JAZF1: variants seen among roughly 807,000 people sequenced by gnomAD.
The protein encoded by JAZF1 is juxtaposed with another zinc finger protein 1.
JAZF1 carries 8 observed loss-of-function variants against 26.4 expected under a neutral mutation model. The observed-to-expected ratio is 0.30, with a 90% CI of 0.18 to 0.55. The LOEUF (loss-of-function observed/expected upper bound fraction) is 0.55. Among genes scored for constraint, JAZF1 ranks in the 20% least tolerant of loss-of-function variants. The pLI is 0.94. For synonymous variants in JAZF1, 126 were observed against 122.3 expected (o/e 1.03, Z -0.20); for missense variants, 199 against 322.0 (o/e 0.62, Z 2.92).
At chr7:27,849,402 A>C (rs903691019) in intron 3 of JAZF1, among the ~76,000 whole-genome samples, 4 of 152,208 alleles carry the variant, frequency 2.6e-5, no homozygotes, top group Admixed American at 2.6e-4. Flanking sequence ...CAATTTTAAA[A>C]TGGTGTTCGC....
At chr7:28,068,597 A>G (rs1257167198) in intron 1 of JAZF1, among the ~76,000 whole-genome samples, 1 of 152,212 alleles carries the variant, frequency 6.6e-6, no homozygotes, top group Non-Finnish European at 1.5e-5. Flanking sequence ...GAAAATCTCA[A>G]GAGCAGGAAA....
intron 2 of JAZF1, among the ~76,000 whole-genome samples, chr7:27,977,671 T>C (rs142745571): frequency 9.5e-4 from 144 of 152,342 alleles, no homozygotes; most frequent in African/African-American, 3.1e-3. Context: ...TATAGATTTT[T>C]GGAAAGTCTT....
chr7:28,175,154 G>A (rs1007414201), intron 1 of JAZF1, among the ~76,000 whole-genome samples: 2 of 152,180 alleles, frequency 1.3e-5, no homozygotes, highest in African/African-American at 4.8e-5. Context: ...CACTTTCCCA[G>A]TCCACTGTGG....
chr7:27,903,836 C>A (rs942155992), intron 2 of JAZF1, among the ~76,000 whole-genome samples: 3 of 152,206 alleles, frequency 2.0e-5, no homozygotes, highest in African/African-American at 7.2e-5. Context: ...AGCAGACCCT[C>A]TGTAGAACAT....
intron 1 of JAZF1, among the ~76,000 whole-genome samples, chr7:28,060,488 T>C (rs1383865436): frequency 1.3e-5 from 2 of 152,246 alleles, no homozygotes; most frequent in Non-Finnish European, 2.9e-5. Context: ...CAAGAGCAAC[T>C]ACCAACCTGG....
chr7:28,057,430 G>A (rs73091056), intron 1 of JAZF1, among the ~76,000 whole-genome samples: 6,515 of 152,206 alleles, frequency 0.043, 199 homozygotes, highest in Non-Finnish European at 0.061. Flanking sequence ...ATATTGTGCC[G>A]AGTACTCTGT....
intron 1 of JAZF1, among the ~76,000 whole-genome samples, chr7:28,122,309 G>A (rs1010187989): frequency 6.6e-6 from 1 of 152,056 alleles, no homozygotes; most frequent in African/African-American, 2.4e-5. Flanking sequence ...CTGCAAATAG[G>A]ACGGGCAACT....
chr7:28,129,443 G>A (rs1420742682), intron 1 of JAZF1, among the ~76,000 whole-genome samples: 2 of 152,100 alleles, frequency 1.3e-5, no homozygotes, highest in Non-Finnish European at 2.9e-5. Flanking sequence ...CATTTGGTGT[G>A]AACTGGGGCC....
intron 1 of JAZF1, among the ~76,000 whole-genome samples, chr7:28,102,973 T>C (rs1172818636): frequency 1.3e-5 from 2 of 152,078 alleles, no homozygotes; most frequent in East Asian, 3.9e-4. Flanking sequence ...CTAACTCAGC[T>C]CTTCCCCAGC....
chr7:27,920,725 C>T (rs966371414), intron 2 of JAZF1, among the ~76,000 whole-genome samples: 45 of 152,276 alleles, frequency 3.0e-4, no homozygotes, highest in African/African-American at 1.1e-3. Context: ...TAATGCTCCC[C>T]ACTTCCGCCG....
intron 3 of JAZF1, among the ~76,000 whole-genome samples, chr7:27,872,987 A>G (rs906659721): frequency 1.3e-5 from 2 of 152,204 alleles, no homozygotes; most frequent in African/African-American, 4.8e-5. Context: ...ACAGCTGTGT[A>G]AAAAACCAGA....
chr7:27,881,473 G>C (rs1783770415), intron 3 of JAZF1, among the ~76,000 whole-genome samples: 1 of 152,168 alleles, frequency 6.6e-6, no homozygotes, highest in Non-Finnish European at 1.5e-5. Context: ...TTTAATGGCA[G>C]TGAAATACCA....
intron 1 of JAZF1, among the ~76,000 whole-genome samples, chr7:28,117,347 A>G (rs192651580): frequency 1.7e-4 from 26 of 152,350 alleles, no homozygotes; most frequent in Admixed American, 1.0e-3. Flanking sequence ...TTATGCAGAT[A>G]CAAATATATT....
intron 2 of JAZF1, among the ~76,000 whole-genome samples, chr7:27,936,947 T>C (rs1784770547): frequency 6.6e-6 from 1 of 152,238 alleles, no homozygotes; most frequent in South Asian, 2.1e-4. Flanking sequence ...AGTTTAAGTA[T>C]CCCATTACAC....
At chr7:28,073,707 C>T (rs1562578078) in intron 1 of JAZF1, among the ~76,000 whole-genome samples, 1 of 152,086 alleles carries the variant, frequency 6.6e-6, no homozygotes, top group Non-Finnish European at 1.5e-5. Flanking sequence ...TGCTGGCTGG[C>T]AACCCCAGGA....
chr7:28,016,244 C>T (rs1782889608), intron 1 of JAZF1, among the ~76,000 whole-genome samples: 1 of 152,232 alleles, frequency 6.6e-6, no homozygotes, highest in Admixed American at 6.5e-5. Flanking sequence ...CAGCCTGGAG[C>T]TCTTGATGAT....
chr7:28,134,209 T>C lies in JAZF1; in HGVS notation c.115+46254A>G, dbSNP rs956773255. On this transcript the variant is annotated intron_variant, in intron 1 of 4. Coordinates refer to ENST00000283928, the MANE Select transcript of JAZF1 (RefSeq NM_175061.4). ...TTTTAATTTGGGAATTTCTCTATTA[T>C]GAATAGTTTCAAAGGCATAGCCAAT... 8.5e-5 allele frequency among the ~76,000 whole-genome samples: 13 copies of C among 152,314 alleles called. 1 individual carries two copies. The South Asian group carries it at 2.3e-3, about 27-fold the overall frequency.
chr7:27,855,265 AGAAAGCAG>A (rs1783225756), intron 3 of JAZF1, among the ~76,000 whole-genome samples: 1 of 152,116 alleles, frequency 6.6e-6, no homozygotes, highest in African/African-American at 2.4e-5. Context: ...TGCCCACAAG[AGAAAGCAG>A]GAAAGATCTG....
At chr7:28,139,882 C>G (rs191925786) in intron 1 of JAZF1, among the ~76,000 whole-genome samples, 1 of 152,188 alleles carries the variant, frequency 6.6e-6, no homozygotes, top group African/African-American at 2.4e-5. Context: ...GGTAACAGCC[C>G]TATGGACAAA....
Sources: gnomAD v4.1 joint callset for allele counts (sites outside exome capture counted in the v4.1 genomes callset) on GRCh38, gnomAD v4.1.1 for gene constraint, MANE v1.5 for transcripts, NCBI Gene and HGNC (gene_info 2026-07-23, HGNC 2026-07-21) for gene names.